Variants in RHPN2 observed in about 807,000 individuals in gnomAD.
The protein encoded by RHPN2 is rhophilin Rho GTPase binding protein 2, also known as rhophilin-2.
Under a neutral mutation model 79.0 loss-of-function variants are expected in RHPN2, and 40 were observed. The ratio of observed to expected loss-of-function variants is 0.51; its 90% CI spans 0.39 to 0.66. The LOEUF (loss-of-function observed/expected upper bound fraction) is 0.66, where lower values mean the gene tolerates loss of function less well. Among genes scored for constraint, RHPN2 ranks in the 30% least tolerant of loss-of-function variants. RHPN2 has a pLI of 0.00. For missense variants in RHPN2, 686 were observed against 883.5 expected, an observed-to-expected ratio of 0.78 and a Z score of 2.83; for synonymous variants, 285 against 363.5, an observed-to-expected ratio of 0.78 and a Z score of 2.46.
At chr19:33,015,908 G>A (rs550221118) in intron 4 of RHPN2, among the ~76,000 whole-genome samples, 2 of 151,952 alleles carry the variant, frequency 1.3e-5, no homozygotes, top group Non-Finnish European at 2.9e-5. Flanking sequence ...AAATTAGCTG[G>A]GTATAGTGGC....
chr19:33,013,166 G>A (rs904566937), intron 4 of RHPN2, among the ~76,000 whole-genome samples: 11 of 149,072 alleles, frequency 7.4e-5, no homozygotes, highest in East Asian at 4.0e-4. Context: ...GTCAGCCACC[G>A]TGCCCGGCCA....
intron 1 of RHPN2, among the ~76,000 whole-genome samples, chr19:33,061,106 A>G (rs995989400): frequency 6.6e-6 from 1 of 152,114 alleles, no homozygotes. Flanking sequence ...TGGCTCCCAC[A>G]AACACCTCCA....
intron 3 of RHPN2, among the ~76,000 whole-genome samples, chr19:33,025,132 G>A (rs1971955394): frequency 2.6e-5 from 4 of 152,078 alleles, no homozygotes; most frequent in South Asian, 2.1e-4. Flanking sequence ...TGAAGAAATC[G>A]ATTCCAAAAT....
intron 9 of RHPN2, among the ~76,000 whole-genome samples, chr19:33,002,014 T>A (rs1190777019): frequency 6.6e-6 from 1 of 152,158 alleles, no homozygotes; most frequent in Non-Finnish European, 1.5e-5. Context: ...TTCATCCTCT[T>A]GCACCCAGGC....
At chr19:33,003,763 C>T (rs1383612385) in intron 7 of RHPN2, among the ~76,000 whole-genome samples, 3 of 152,094 alleles carry the variant, frequency 2.0e-5, no homozygotes, top group South Asian at 2.1e-4. Context: ...ATAAGGTACC[C>T]GGAATAGTCA....
intron 1 of RHPN2, among the ~76,000 whole-genome samples, chr19:33,061,502 G>A (rs1431990653): frequency 1.3e-5 from 2 of 150,668 alleles, no homozygotes; most frequent in East Asian, 3.9e-4. Context: ...GGGTTGCAGG[G>A]GTACGGAGTC....
intron 10 of RHPN2, 133 bp from the exon 11 acceptor site, chr19:32,996,353 C>A: frequency 1.2e-6 from 1 of 843,780 alleles, no homozygotes; most frequent in Non-Finnish European, 1.9e-6. Context: ...CCTGTGATAC[C>A]CTACCTTGTT....
intron 2 of RHPN2, among the ~76,000 whole-genome samples, chr19:33,033,292 A>T (rs918215492): frequency 1.3e-5 from 2 of 152,208 alleles, no homozygotes; most frequent in African/African-American, 4.8e-5. Context: ...AAGGCTGGGC[A>T]CAGAGGTTCA....
At chr19:33,037,250 T>G (rs982839792) in intron 2 of RHPN2, among the ~76,000 whole-genome samples, 1 of 152,000 alleles carries the variant, frequency 6.6e-6, no homozygotes, top group South Asian at 2.1e-4. Context: ...TGGAGAACCT[T>G]TGTGTTGACA....
intron 1 of RHPN2, among the ~76,000 whole-genome samples, chr19:33,063,082 A>G (rs73926233): frequency 0.12 from 18,909 of 152,104 alleles, 1,450 homozygotes; most frequent in Admixed American, 0.28. Flanking sequence ...GGGAGGCCAC[A>G]CAGCAATTTT....
intron 5 of RHPN2, 50 bp downstream of exon 5, chr19:33,012,597 G>A (rs924475435): frequency 6.0e-6 from 7 of 1,166,794 alleles, no homozygotes; most frequent in African/African-American, 4.5e-5. Flanking sequence ...GGGGTTCCCT[G>A]AAGACTCGGA....
intron 10 of RHPN2, among the ~76,000 whole-genome samples, chr19:32,998,080 G>A (rs1263962899): frequency 1.3e-5 from 2 of 152,306 alleles, no homozygotes; most frequent in Admixed American, 6.5e-5. Flanking sequence ...TGACCTGCAC[G>A]ACCAGGCTCT....
At chr19:33,059,104 T>C (rs2016944) in intron 1 of RHPN2, among the ~76,000 whole-genome samples, 3 of 148,978 alleles carry the variant, frequency 2.0e-5, no homozygotes, top group East Asian at 2.0e-4. Context: ...CAAAAAAAAA[T>C]AATAATAATA....
At chr19:33,008,808 G>T (rs1304852350) in intron 6 of RHPN2, among the ~76,000 whole-genome samples, 2 of 152,098 alleles carry the variant, frequency 1.3e-5, no homozygotes, top group Non-Finnish European at 2.9e-5. Context: ...GTGCACTGAG[G>T]CTTTTGTTTC....
Position 33,012,670 on chromosome 19 carries a change from C to T in RHPN2, c.445G>A (p.Ala149Thr). Residue 149 changes from alanine to threonine, a missense_variant, in exon 5 of 15, where the codon GCA becomes ACA. Ala to Thr is a moderately conservative substitution (Grantham distance 58). Transcript: ENST00000254260. The stretch of plus-strand genomic sequence containing the variant: ...ACTTGTCTCAGATCCATAAGATCTG[C>T]AATTTCATCTTCATATAAATAGCCA... ...EDGYLYEDEI[A>T]DLMDLRQACR... 6.2e-6 allele frequency: 10 copies of T among 1,608,394 alleles called. No individual in the cohort carries two copies. The highest frequency in any genetic ancestry group is 8.5e-6 in the Non-Finnish European group (10 of 1,174,790).
intron 2 of RHPN2, among the ~76,000 whole-genome samples, chr19:33,033,207 G>A (rs775586429): frequency 9.2e-5 from 14 of 152,086 alleles, no homozygotes; most frequent in Non-Finnish European, 2.1e-4. Context: ...ACAGAGTGAA[G>A]ACTACTCCCT....
At chr19:33,029,141 CA>C (rs952813987) in intron 2 of RHPN2, among the ~76,000 whole-genome samples, 1 of 145,510 alleles carries the variant, frequency 6.9e-6, no homozygotes, top group Non-Finnish European at 1.5e-5. Context: ...ACTCCATCCC[CA>C]AAAAAAAAAT....
chr19:32,988,577 G>A (rs887612659), intron 14 of RHPN2, among the ~76,000 whole-genome samples: 5 of 145,958 alleles, frequency 3.4e-5, no homozygotes, highest in East Asian at 3.9e-4. Context: ...CACCATTGCC[G>A]CCAAGGCCTC....
chr19:33,057,941 C>T (rs928285694), intron 1 of RHPN2, among the ~76,000 whole-genome samples: 1 of 152,118 alleles, frequency 6.6e-6, no homozygotes, highest in African/African-American at 2.4e-5. Flanking sequence ...GGGCAAATCA[C>T]TTGAGGTCAG....
Sources: gnomAD v4.1 joint callset for allele counts (sites outside exome capture counted in the v4.1 genomes callset) on GRCh38, gnomAD v4.1.1 for gene constraint, MANE v1.5 for transcripts, NCBI Gene and HGNC (gene_info 2026-07-23, HGNC 2026-07-21) for gene names.